AKR1C8: variants seen among roughly 807,000 people sequenced by gnomAD.
The protein encoded by AKR1C8 is aldo-keto reductase family 1 member C8.
chr10:5,172,490 T>A, the AKR1C8 span, among the ~76,000 whole-genome samples: 2 of 152,054 alleles, frequency 1.3e-5, no homozygotes, highest in African/African-American at 2.4e-5. Flanking sequence ...TACTAAATAG[T>A]TTCAGATGCA....
At chr10:5,149,566 G>A in the AKR1C8 span, among the ~76,000 whole-genome samples, 1 of 152,044 alleles carries the variant, frequency 6.6e-6, no homozygotes, top group Non-Finnish European at 1.5e-5. Context: ...GAAGTTACTG[G>A]ACCTGTCATA....
At chr10:5,134,155 T>C in the AKR1C8 span, among the ~76,000 whole-genome samples, 1 of 152,196 alleles carries the variant, frequency 6.6e-6, no homozygotes, top group African/African-American at 2.4e-5. Context: ...CAGGTCTCAC[T>C]GCCTTCCCCT....
the AKR1C8 span, among the ~76,000 whole-genome samples, chr10:5,172,442 G>A: frequency 6.6e-5 from 10 of 151,988 alleles, no homozygotes; most frequent in African/African-American, 2.2e-4. Context: ...CTGTGGACTA[G>A]ACTGCCTAAG....
the AKR1C8 span, among the ~76,000 whole-genome samples, chr10:5,148,355 T>C: frequency 5.9e-5 from 9 of 152,228 alleles, no homozygotes; most frequent in East Asian, 1.4e-3. Context: ...AAATAAATAA[T>C]TGATCTTATT....
At chr10:5,140,893 G>A in the AKR1C8 span, among the ~76,000 whole-genome samples, 6 of 152,078 alleles carry the variant, frequency 3.9e-5, no homozygotes, top group Non-Finnish European at 8.8e-5. Context: ...TGACTGATCA[G>A]GGTCATGGTT....
the AKR1C8 span, among the ~76,000 whole-genome samples, chr10:5,176,609 A>G: frequency 6.6e-6 from 1 of 151,872 alleles, no homozygotes. Flanking sequence ...CCTACCCATG[A>G]GCATGGAATG....
chr10:5,174,774 C>T, the AKR1C8 span, among the ~76,000 whole-genome samples: 1 of 151,158 alleles, frequency 6.6e-6, no homozygotes, highest in African/African-American at 2.4e-5. Context: ...TATGAAAAGA[C>T]ATAAAAATAA....
chr10:5,117,427 G>A, the AKR1C8 span, among the ~76,000 whole-genome samples: 1 of 152,026 alleles, frequency 6.6e-6, no homozygotes, highest in African/African-American at 2.4e-5. Flanking sequence ...CAGGACCTGG[G>A]GTAGGATTGA....
the AKR1C8 span, chr10:5,132,692 T>C: frequency 6.3e-7 from 1 of 1,586,956 alleles, no homozygotes; most frequent in Non-Finnish European, 8.6e-7. Context: ...CATTATTGTA[T>C]AAATGAGCAG....
chr10:5,120,457 T>C, the AKR1C8 span, among the ~76,000 whole-genome samples: 1 of 152,218 alleles, frequency 6.6e-6, no homozygotes, highest in South Asian at 2.1e-4. Context: ...TGTTATTCAG[T>C]AATAGTAGTA....
the AKR1C8 span, among the ~76,000 whole-genome samples, chr10:5,150,832 G>A: frequency 1.6e-4 from 25 of 152,214 alleles, no homozygotes; most frequent in South Asian, 1.5e-3. Context: ...GTAACTGCCC[G>A]GTGGGTTCTC....
At chr10:5,125,342 C>G in the AKR1C8 span, among the ~76,000 whole-genome samples, 1 of 152,092 alleles carries the variant, frequency 6.6e-6, no homozygotes, top group Non-Finnish European at 1.5e-5. Flanking sequence ...TGTACTGTTA[C>G]TGGGAGAATA....
chr10:5,149,249 TTTC>T, the AKR1C8 span, among the ~76,000 whole-genome samples: 1 of 152,050 alleles, frequency 6.6e-6, no homozygotes, highest in Middle Eastern at 3.2e-3. Flanking sequence ...TGTACTATAG[TTTC>T]TTTTGAAACA....
the AKR1C8 span, among the ~76,000 whole-genome samples, chr10:5,134,275 A>G: frequency 6.6e-6 from 1 of 152,158 alleles, no homozygotes; most frequent in African/African-American, 2.4e-5. Context: ...TTTTCATTAC[A>G]AAGTAAACCG....
the AKR1C8 span, chr10:5,162,863 T>C: frequency 1.9e-6 from 1 of 534,170 alleles, no homozygotes; most frequent in South Asian, 1.4e-5. Context: ...CTTGATGGTG[T>C]AGAATATTTC....
chr10:5,126,879 T>TTATAAAC, the AKR1C8 span, among the ~76,000 whole-genome samples: 4 of 151,980 alleles, frequency 2.6e-5, no homozygotes, highest in Non-Finnish European at 1.5e-5. Flanking sequence ...AATTAGGCTA[T>TTATAAAC]TATAAACTAT....
At chr10:5,154,668 C>A in the AKR1C8 span, 1 of 152,588 alleles carries the variant, frequency 6.6e-6, no homozygotes. Flanking sequence ...CTCTCAGAAT[C>A]TTGGTGTGGT....
the AKR1C8 span, among the ~76,000 whole-genome samples, chr10:5,168,519 G>A: frequency 6.6e-6 from 1 of 151,986 alleles, no homozygotes; most frequent in Non-Finnish European, 1.5e-5. Flanking sequence ...ACAACTAGAG[G>A]GAGACCTGGG....
chr10:5,163,419 TTC>T, the AKR1C8 span, among the ~76,000 whole-genome samples: 1 of 152,202 alleles, frequency 6.6e-6, no homozygotes, highest in Admixed American at 6.5e-5. Context: ...AAGCACATTG[TTC>T]TATCATTTTT....
Sources: gnomAD v4.1 joint callset for allele counts (sites outside exome capture counted in the v4.1 genomes callset) on GRCh38, gnomAD v4.1.1 for gene constraint, MANE v1.5 for transcripts, NCBI Gene and HGNC (gene_info 2026-07-23, HGNC 2026-07-21) for gene names.